ADGRV1: variants seen among roughly 807,000 people sequenced by gnomAD.
ADGRV1 encodes the protein G-protein coupled receptor 98.
In ADGRV1, 359 loss-of-function variants were observed where a neutral mutation model predicts 596.2. That is an observed-to-expected ratio of 0.60 (90% CI 0.55 to 0.66). The LOEUF (loss-of-function observed/expected upper bound fraction) is 0.66. Among genes scored for constraint, ADGRV1 ranks in the 30% least tolerant of loss-of-function variants. The probability of loss-of-function intolerance (pLI) is 0.00; values close to 1 mark genes in which losing one functional copy is unlikely to be tolerated. For missense variants in ADGRV1, 7,274 were observed against 7,575.6 expected, an observed-to-expected ratio of 0.96 and a Z score of 1.48; for synonymous variants, 2,681 against 2,679.2, an observed-to-expected ratio of 1.00 and a Z score of -0.02.
intron 87 of ADGRV1, among the ~76,000 whole-genome samples, chr5:91,131,536 T>A (rs1794218857): frequency 1.3e-5 from 2 of 151,694 alleles, no homozygotes; most frequent in African/African-American, 4.8e-5. Context: ...CTGTAACCTC[T>A]GCCTTCTGGG....
chr5:91,097,103 A>G (rs1790942242), intron 86 of ADGRV1, among the ~76,000 whole-genome samples: 1 of 152,256 alleles, frequency 6.6e-6, no homozygotes, highest in Admixed American at 6.5e-5. Context: ...ACCCTAGAGC[A>G]GGTAGCTTAC....
At chr5:90,776,798 A>C (rs1321181188) in intron 61 of ADGRV1, among the ~76,000 whole-genome samples, 1 of 152,138 alleles carries the variant, frequency 6.6e-6, no homozygotes, top group Non-Finnish European at 1.5e-5. Context: ...CTGACTCTTG[A>C]GTGATTTGCA....
chr5:91,053,973 G>A (rs955821627), intron 85 of ADGRV1, among the ~76,000 whole-genome samples: 5 of 152,122 alleles, frequency 3.3e-5, no homozygotes, highest in African/African-American at 1.2e-4. Flanking sequence ...TGGGTTTTCC[G>A]TTAGCATAAG....
At chr5:90,782,471 A>G (rs981723563) in intron 65 of ADGRV1, among the ~76,000 whole-genome samples, 1 of 152,140 alleles carries the variant, frequency 6.6e-6, no homozygotes, top group African/African-American at 2.4e-5. Flanking sequence ...TTTATAATAT[A>G]CATTGAGTAT....
chr5:90,772,101 G>A (rs1195840923), intron 59 of ADGRV1, among the ~76,000 whole-genome samples: 1 of 152,146 alleles, frequency 6.6e-6, no homozygotes, highest in African/African-American at 2.4e-5. Flanking sequence ...TAAGGTGGAA[G>A]GCAATATAAA....
chr5:90,831,795 TGTA>T (rs879471132), intron 77 of ADGRV1, among the ~76,000 whole-genome samples: 5 of 152,314 alleles, frequency 3.3e-5, no homozygotes, highest in Non-Finnish European at 7.4e-5. Flanking sequence ...TGTTTCAATT[TGTA>T]GTTCCCACAA....
chr5:90,788,045 A>T, intron 67 of ADGRV1, 26 bp from the exon 68 acceptor site: 1 of 1,554,300 alleles, frequency 6.4e-7, no homozygotes, highest in Non-Finnish European at 8.7e-7. Context: ...TATTAAAGAA[A>T]TACCAAAACC....
chr5:90,768,424 T>G (rs966601113), intron 59 of ADGRV1, among the ~76,000 whole-genome samples: 30 of 152,206 alleles, frequency 2.0e-4, no homozygotes, highest in Admixed American at 1.0e-3. Flanking sequence ...TGGTATCCAC[T>G]CCATCAATAA....
chr5:90,564,998 G>A (rs111498553), intron 1 of ADGRV1, among the ~76,000 whole-genome samples: 9,401 of 151,732 alleles, frequency 0.062, 862 homozygotes, highest in African/African-American at 0.21. Context: ...ACTTTGAAAG[G>A]CCAAGGTGGG....
At position 90,783,293 on chromosome 5, in the gene ADGRV1, T is replaced by C; in HGVS notation, c.13401T>C (p.Phe4467=). ...TTCAGCATGGGCAAAACTTAAGTTT[T>C]ATAAATATCTCCATCATTGATGACA... ...VTFQHGQNLS[F]INISIIDDNE... Residue 4467 remains phenylalanine, a synonymous_variant, in exon 66 of 90, where the codon TTT becomes TTC. Coordinates refer to ENST00000405460, the MANE Select transcript of ADGRV1 (RefSeq NM_032119.4). The C allele has an allele frequency of 6.2e-7, 1 of 1,612,860 alleles. No homozygotes were observed. Among genetic ancestry groups the C allele is most frequent in the Non-Finnish European group, 8.5e-7 (1 of 1,179,032 alleles).
At position 90,807,605 on chromosome 5, in the gene ADGRV1, G is replaced by A; in HGVS notation, c.14840G>A (p.Ser4947Asn). Residue 4947 changes from serine to asparagine, a missense_variant, in exon 73 of 90, where the codon AGC (serine) becomes AAC (asparagine). Coordinates refer to ENST00000405460, the MANE Select transcript of ADGRV1 (RefSeq NM_032119.4). Reference protein sequence around the residue: ...VVGNMTPTLGSLSFSHGEQRK... With the variant: ...VVGNMTPTLGNLSFSHGEQRK... ...GCTTTTTCATGTTTTCTTTCAGGGAGCCTTTCATTTTCCCACGGTGAACAA... is the reference window on the plus strand; with the variant it reads ...GCTTTTTCATGTTTTCTTTCAGGGAACCTTTCATTTTCCCACGGTGAACAA... The A allele has an allele frequency of 6.2e-7, 1 of 1,610,628 alleles. No homozygotes were observed. Among genetic ancestry groups the A allele is most frequent in the South Asian group, 1.1e-5 (1 of 90,572 alleles).
chr5:90,992,163 T>A (rs1781022195), intron 85 of ADGRV1, among the ~76,000 whole-genome samples: 1 of 152,218 alleles, frequency 6.6e-6, no homozygotes, highest in African/African-American at 2.4e-5. Context: ...AATCTAAGAG[T>A]TAGATGTCTA....
chr5:91,119,864 G>T (rs1215530469), intron 87 of ADGRV1, among the ~76,000 whole-genome samples: 1 of 152,150 alleles, frequency 6.6e-6, no homozygotes, highest in Non-Finnish European at 1.5e-5. Context: ...AACAGCTATT[G>T]GATTTGCAGA....
chr5:90,614,748 T>G (rs759406772), intron 1 of ADGRV1, 87 bp from the exon 2 acceptor site: 4 of 989,896 alleles, frequency 4.0e-6, no homozygotes, highest in Non-Finnish European at 6.3e-6. Context: ...TAACTCTTCA[T>G]ACTATGTTTA....
intron 27 of ADGRV1, among the ~76,000 whole-genome samples, chr5:90,683,228 A>G (rs1240078562): frequency 6.6e-6 from 1 of 152,134 alleles, no homozygotes; most frequent in Non-Finnish European, 1.5e-5. Context: ...ATTTTTTTTA[A>G]GAGATAGAGT....
chr5:90,794,953 T>C (rs1381774686), intron 70 of ADGRV1, among the ~76,000 whole-genome samples: 1 of 151,994 alleles, frequency 6.6e-6, no homozygotes, highest in African/African-American at 2.4e-5. Flanking sequence ...CTGGCCCAGA[T>C]ACTGTGCTTT....
intron 43 of ADGRV1, among the ~76,000 whole-genome samples, chr5:90,719,497 A>G (rs1750624114): frequency 6.6e-6 from 1 of 152,152 alleles, no homozygotes; most frequent in Non-Finnish European, 1.5e-5. Flanking sequence ...AGAATCATAC[A>G]GTGTGTACTC....
intron 85 of ADGRV1, among the ~76,000 whole-genome samples, chr5:90,989,751 C>G (rs569239088): frequency 6.6e-6 from 1 of 152,202 alleles, no homozygotes; most frequent in Non-Finnish European, 1.5e-5. Flanking sequence ...AAAAATCATT[C>G]TTCCCACTCT....
intron 53 of ADGRV1, among the ~76,000 whole-genome samples, chr5:90,751,197 A>T (rs962784605): frequency 1.3e-5 from 2 of 152,268 alleles, no homozygotes; most frequent in African/African-American, 4.8e-5. Flanking sequence ...GGATGTGAGG[A>T]AGGTGAGGAT....
Sources: allele counts gnomAD v4.1 joint callset (sites outside exome capture counted in the v4.1 genomes callset), GRCh38; gene constraint gnomAD v4.1.1; transcripts MANE v1.5; gene names NCBI Gene and HGNC (gene_info 2026-07-23, HGNC 2026-07-21).